Variants in PEX26 observed in about 807,000 individuals in gnomAD.
PEX26 encodes the protein peroxisome assembly protein 26.
Under a neutral mutation model 31.4 loss-of-function variants are expected in PEX26, and 18 were observed. The ratio of observed to expected loss-of-function variants is 0.57; its 90% CI spans 0.40 to 0.85. The LOEUF is 0.85. Ranked by LOEUF, PEX26 falls within the 40% of genes least tolerant of loss-of-function variation. The probability of loss-of-function intolerance (pLI) is 0.00; values close to 1 mark genes in which losing one functional copy is unlikely to be tolerated. For synonymous variants in PEX26, 176 were observed against 166.9 expected (o/e 1.05, Z -0.42); for missense variants, 377 against 383.9 (o/e 0.98, Z 0.15).
At chr22:18,081,141 T>G (rs772795515) in intron 2 of PEX26, among the ~76,000 whole-genome samples, 1 of 79,760 alleles carries the variant, frequency 1.3e-5, no homozygotes, top group Non-Finnish European at 2.5e-5. Context: ...TATGGCTATA[T>G]AGTATTCCAT....
At position 18,078,312 on chromosome 22, in the gene PEX26, C is replaced by T. The variant is rs1418089680; in HGVS notation, c.-65C>T. On this transcript the variant is annotated 5_prime_UTR_variant, in exon 1 of 5. Coordinates refer to ENST00000399744, the MANE Select transcript of PEX26 (RefSeq NM_001127649.3). ...TTCGCCCAGGCCAACTCGGGATATC[C>T]CGGAGCCTCTGGGGAGGCGGTCACT... 1 of 1,201,460 alleles carries T rather than the reference C, an allele frequency of 8.3e-7. No individual in the cohort carries two copies. The highest frequency in any genetic ancestry group is 1.2e-6 in the Non-Finnish European group (1 of 828,730). The allele number at this position is 1,201,460 out of a possible 1,614,324, so 74.4% of individuals were successfully genotyped here. A position where few individuals can be genotyped will look rare whatever the true frequency, so the allele number is the denominator to read the frequency against.
rs534852354 is a variant in PEX26 at position 18,087,997 on chromosome 22, C to T, written c.840C>T (p.Leu280=). The change falls in exon 5 of 5, where the codon CTC becomes CTT. Residue 280 remains leucine (L), a synonymous_variant. Transcript: ENST00000399744. The part of the protein sequence containing the change: ...DPASPSSLHF[L]YKLAQLFRWI... Reference sequence around the variant, plus strand: ...CTTCCCCTTCCTCCCTGCACTTCCTCTACAAGCTGGCCCAGCTCTTCCGCT... The same window carrying T: ...CTTCCCCTTCCTCCCTGCACTTCCTTTACAAGCTGGCCCAGCTCTTCCGCT... The T allele has an allele frequency of 2.0e-5, 32 of 1,613,734 alleles. No individual in the cohort carries two copies. In the South Asian group the frequency reaches 3.1e-4, roughly 16 times the overall value.
At position 18,083,064 on chromosome 22, in the gene PEX26, G is replaced by A. The variant is rs1429474899; in HGVS notation, c.372-373G>A. 6.6e-5 allele frequency among the ~76,000 whole-genome samples: 10 copies of A among 152,232 alleles called. 1 individual carries two copies. Among genetic ancestry groups the A allele is most frequent in the African/African-American group, 1.7e-4 (7 of 41,530 alleles). ...TGTATCCCACAACTTTACTGAATCCGTTTATTAGTTCTGTCTGCAAACAGG... is the reference window on the plus strand; with the variant it reads ...TGTATCCCACAACTTTACTGAATCCATTTATTAGTTCTGTCTGCAAACAGG... On this transcript the variant is annotated intron_variant, in intron 2 of 4. Transcript: ENST00000399744.
In PEX26 at chr22:18,083,470, A is replaced by G; in HGVS notation, c.405A>G (p.Gly135=). The change falls in exon 3 of 5, where the codon GGA becomes GGG. Residue 135 remains glycine (G), a synonymous_variant. Transcript: ENST00000399744. ...ILLYSKMQEP[G]AVLDVVGAWL... The stretch of plus-strand genomic sequence containing the variant: ...TATACAGCAAAATGCAAGAGCCTGG[A>G]GCTGTGCTGGATGTGGTGGGTGCCT... The G allele has an allele frequency of 1.2e-6, 2 of 1,614,100 alleles. No individual in the cohort carries two copies. The highest frequency in any genetic ancestry group is 1.7e-6 in the Non-Finnish European group (2 of 1,180,020).
At chr22:18,084,998 G>C (rs1049977488) in intron 3 of PEX26, 114 bp from the exon 4 acceptor site, 1 of 1,078,250 alleles carries the variant, frequency 9.3e-7, no homozygotes, top group Admixed American at 1.9e-5. Context: ...TGGGATTACA[G>C]GCATGAGCCA....
In PEX26 at chr22:18,100,105, C is replaced by T. The variant is rs1482928025; in HGVS notation, c.*12030C>T. 1 of 152,108 alleles carries T rather than the reference C, an allele frequency of 6.6e-6. No homozygotes were observed. The highest frequency in any genetic ancestry group is 1.9e-4 in the East Asian group (1 of 5,190). The allele number at this position is 152,108 out of a possible 1,614,324, so 9.4% of individuals were successfully genotyped here. On this transcript the variant is annotated 3_prime_UTR_variant, in exon 5 of 5. Coordinates refer to ENST00000399744, the MANE Select transcript of PEX26 (RefSeq NM_001127649.3). ...TGTTATTATTTTTGAGATAGAGTTT[C>T]AATCTTGTTGCCCAGGCTGGAGTGC... is the stretch of plus-strand genomic sequence containing the variant.
chr22:18,080,387 TG>T (rs145310144), intron 2 of PEX26, among the ~76,000 whole-genome samples: 12,403 of 152,310 alleles, frequency 0.081, 595 homozygotes, highest in East Asian at 0.17. Flanking sequence ...TGGAGTGCAG[TG>T]GCACAGTCTC....
rs1602455853 is a variant in PEX26, at chr22:18,078,864, G to A, written c.230+258G>A. On this transcript the variant is annotated intron_variant, in intron 1 of 4. Coordinates refer to ENST00000399744, the MANE Select transcript of PEX26 (RefSeq NM_001127649.3). ...CAAGGTACAATGACATGATGGGAAG[G>A]CTGAATGTGTATTAAGTGCTAAGTT... 6.0e-6 allele frequency: 4 copies of A among 666,346 alleles called. No individual in the cohort carries two copies. The East Asian group carries it at 8.5e-5, about 14-fold the overall frequency. The allele number at this position is 666,346 out of a possible 1,614,324, so 41.3% of individuals were successfully genotyped here. A position where few individuals can be genotyped will look rare whatever the true frequency, so the allele number is the denominator to read the frequency against.
chr22:18,078,603 G>T lies in PEX26; in HGVS notation c.227G>T (p.Gly76Val). The change falls in exon 1 of 5, where the codon GGC becomes GTC. Residue 76 changes from glycine to valine, a missense_variant. By Grantham distance (109) the Gly-to-Val change is moderately radical (BLOSUM62 -3). Transcript: ENST00000399744. ...ANHAVAEEPA[G>V]TSLEVKCSLC... ...CACGCCGTGGCAGAGGAACCCGCGG[G>T]CACGTACGTGCTGGGCTCGGAAATG... The T allele has an allele frequency of 6.3e-7, 1 of 1,598,596 alleles. No homozygotes were observed. The highest frequency in any genetic ancestry group is 1.1e-5 in the South Asian group (1 of 89,140).
Position 18,078,553 on chromosome 22 carries a change from GC to G in PEX26, c.178del (p.Arg60GlyfsTer22), listed in dbSNP as rs745673881. 6.3e-7 allele frequency: 1 copy of G among 1,591,390 alleles called. No homozygotes were observed. The highest frequency in any genetic ancestry group is 1.7e-5 in the Admixed American group (1 of 57,474). The stretch of plus-strand genomic sequence containing the variant: ...TCCGGGCGGCGCTGGAGACCTGCGA[GC>G]GGGCCTGGCAGAGTCTGGCCAACCA... ...DFRAALETCE[R>X]AWQSLANHAV... On this transcript the variant is annotated frameshift_variant, in exon 1 of 5. Transcript: ENST00000399744. LOFTEE classifies it high-confidence loss of function.
chr22:18,078,868 A>G, intron 1 of PEX26: 1 of 657,680 alleles, frequency 1.5e-6, no homozygotes, highest in South Asian at 1.6e-5. Context: ...GGGAAGGCTG[A>G]ATGTGTATTA....
Position 18,088,300 on chromosome 22 carries a change from G to T in PEX26, c.*225G>T. The T allele has an allele frequency of 1.5e-6, 1 of 670,026 alleles. No individual in the cohort carries two copies. 41.5% of individuals were successfully genotyped at this position (670,026 alleles called of 1,614,324 possible). A position where few individuals can be genotyped will look rare whatever the true frequency, so the allele number is the denominator to read the frequency against. ...AGGACCAGCAGGCACAGCACCTCCA[G>T]AACAGTGCCCCGGATGACCAGAGGC... On this transcript the variant is annotated 3_prime_UTR_variant, in exon 5 of 5. Coordinates refer to ENST00000399744, the MANE Select transcript of PEX26 (RefSeq NM_001127649.3). This position sits in a 1 kb window ranked among gnomAD's most constrained non-coding sequence, Gnocchi z 4.1.
At position 18,090,154 on chromosome 22, in the gene PEX26, A is replaced by C. The variant is rs1226160039; in HGVS notation, c.*2079A>C. ...CTTAGAACCCTGGGGGGAGAAAAGCAGTCAGGTGAGGTTTGAGATTCCTTC... is the reference window on the plus strand; with the variant it reads ...CTTAGAACCCTGGGGGGAGAAAAGCCGTCAGGTGAGGTTTGAGATTCCTTC... On this transcript the variant is annotated 3_prime_UTR_variant, in exon 5 of 5. Coordinates refer to ENST00000399744, the MANE Select transcript of PEX26 (RefSeq NM_001127649.3). 1.3e-5 allele frequency: 2 copies of C among 152,232 alleles called. No individual in the cohort carries two copies. Among genetic ancestry groups the C allele is most frequent in the African/African-American group, 4.8e-5 (2 of 41,464 alleles). The allele number at this position is 152,232 out of a possible 1,614,324, so 9.4% of individuals were successfully genotyped here.
rs1927099443 is a variant in PEX26, at chr22:18,091,573, G to C, written c.*3498G>C. On this transcript the variant is annotated 3_prime_UTR_variant, in exon 5 of 5. Coordinates refer to ENST00000399744, the MANE Select transcript of PEX26 (RefSeq NM_001127649.3). ...GAATCACTTGAACCCGGGAGGCAAG[G>C]GTTGCAGTGAGCTGAGATCGCGCCA... 6.6e-6 allele frequency: 1 copy of C among 152,224 alleles called. No homozygotes were observed. Among genetic ancestry groups the C allele is most frequent in the South Asian group, 2.1e-4 (1 of 4,830 alleles). 9.4% of individuals were successfully genotyped at this position (152,224 alleles called of 1,614,324 possible).
chr22:18,085,268 G>A lies in PEX26; in HGVS notation c.814+10G>A, dbSNP rs895642650. On this transcript the variant is annotated intron_variant, in intron 4 of 4. Coordinates refer to ENST00000399744, the MANE Select transcript of PEX26 (RefSeq NM_001127649.3). ...GTGAGATTTGATCCAGGTAAGAGGT[G>A]GAGACTCTCCCCTGTCCTTCCTGGG... The A allele has an allele frequency of 1.9e-6, 3 of 1,613,932 alleles. No homozygotes were observed. The highest frequency in any genetic ancestry group is 1.1e-5 in the South Asian group (1 of 91,078).
At chr22:18,085,947 C>T (rs1926826312) in intron 4 of PEX26, among the ~76,000 whole-genome samples, 1 of 152,100 alleles carries the variant, frequency 6.6e-6, no homozygotes, top group African/African-American at 2.4e-5. Context: ...GTATTAATGT[C>T]TCATGAAGTG....
intron 2 of PEX26, 139 bp downstream of exon 2, chr22:18,080,153 G>C: frequency 1.1e-6 from 1 of 871,502 alleles, no homozygotes; most frequent in South Asian, 1.4e-5. Context: ...TTTTTCCCCA[G>C]ACTTCCATAC....
In PEX26 at chr22:18,084,527, G is replaced by A. The variant is rs552823735; in HGVS notation, c.668-585G>A. ...CAAAGTGCTGGGATTACTGGCATGA[G>A]CCACTGCGCCTGGCCTGAAAGGTTC... On this transcript the variant is annotated intron_variant, in intron 3 of 4. Transcript: ENST00000399744. 1.2e-4 allele frequency among the ~76,000 whole-genome samples: 19 copies of A among 152,214 alleles called. No individual in the cohort carries two copies. In the East Asian group the frequency reaches 3.7e-3, roughly 29 times the overall value.
chr22:18,083,410 TG>T (rs748627757), intron 2 of PEX26, 26 bp from the exon 3 acceptor site: 1 of 1,611,816 alleles, frequency 6.2e-7, no homozygotes, highest in South Asian at 1.1e-5. Flanking sequence ...CTTCTTTTGT[TG>T]GGATTGGGTT....
Sources: gnomAD v4.1 joint callset for allele counts (sites outside exome capture counted in the v4.1 genomes callset) on GRCh38, gnomAD v4.1.1 for gene constraint, Gnocchi (gnomAD v3.1) non-coding constraint, MANE v1.5 for transcripts, NCBI Gene and HGNC (gene_info 2026-07-23, HGNC 2026-07-21) for gene names.